NEO1: variants seen among roughly 807,000 people sequenced by gnomAD.
NEO1 encodes neogenin.
Under a neutral mutation model 159.7 loss-of-function variants are expected in NEO1, and 63 were observed. The ratio of observed to expected loss-of-function variants is 0.39; its 90% confidence interval spans 0.32 to 0.49. The LOEUF (loss-of-function observed/expected upper bound fraction) is 0.49, where lower values mean the gene tolerates loss of function less well. Among genes scored for constraint, NEO1 ranks in the 20% least tolerant of loss-of-function variants. The probability of loss-of-function intolerance (pLI) is 0.85; values close to 1 mark genes in which losing one functional copy is unlikely to be tolerated. For missense variants in NEO1, 1,615 were observed against 1,831.0 expected (o/e 0.88, Z 2.15); for synonymous variants, 633 against 662.0 (o/e 0.96, Z 0.67).
At chr15:73,103,586 G>A (rs1281278650) in intron 1 of NEO1, among the ~76,000 whole-genome samples, 1 of 152,098 alleles carries the variant, frequency 6.6e-6, no homozygotes, top group Non-Finnish European at 1.5e-5. Context: ...CTGTTCTGTG[G>A]TTGTGTTTGT....
chr15:73,053,449 G>T (rs770464547), intron 1 of NEO1, among the ~76,000 whole-genome samples: 7 of 152,186 alleles, frequency 4.6e-5, no homozygotes, highest in African/African-American at 1.4e-4. Flanking sequence ...TAGTGTTTCC[G>T]TTATGAAATG....
At chr15:73,134,761 C>G (rs2031557499) in intron 4 of NEO1, among the ~76,000 whole-genome samples, 1 of 151,954 alleles carries the variant, frequency 6.6e-6, no homozygotes, top group East Asian at 1.9e-4. Flanking sequence ...GTAATCCCAG[C>G]ACTTTGGGAG....
chr15:73,249,503 A>G (rs2039963709), intron 10 of NEO1, 80 bp from the exon 11 acceptor site: 1 of 1,397,652 alleles, frequency 7.2e-7, no homozygotes, highest in Non-Finnish European at 9.6e-7. Context: ...AGAATATAGA[A>G]TTTGTGTAGC....
chr15:73,185,438 C>T (rs1268143475), intron 7 of NEO1, among the ~76,000 whole-genome samples: 2 of 152,142 alleles, frequency 1.3e-5, no homozygotes, highest in African/African-American at 4.8e-5. Flanking sequence ...CTGCTCTACA[C>T]ACTTATTAGG....
At chr15:73,270,596 G>A in intron 18 of NEO1, 142 bp downstream of exon 18, 2 of 941,416 alleles carry the variant, frequency 2.1e-6, no homozygotes, top group South Asian at 3.5e-5. Context: ...GACAAGTTGT[G>A]TGTTTTTAAT....
chr15:73,151,639 C>T (rs1357532986), intron 5 of NEO1, among the ~76,000 whole-genome samples: 2 of 152,076 alleles, frequency 1.3e-5, no homozygotes, highest in Non-Finnish European at 2.9e-5. Flanking sequence ...GCCAAGCAAA[C>T]CCTTATAAAA....
chr15:73,109,535 T>G (rs2070860999), intron 1 of NEO1, among the ~76,000 whole-genome samples: 1 of 152,076 alleles, frequency 6.6e-6, no homozygotes, highest in Non-Finnish European at 1.5e-5. Flanking sequence ...AAAGCACTCT[T>G]ATAAATTTTT....
At chr15:73,088,576 A>G (rs2069495640) in intron 1 of NEO1, among the ~76,000 whole-genome samples, 1 of 152,154 alleles carries the variant, frequency 6.6e-6, no homozygotes, top group South Asian at 2.1e-4. Context: ...TTCAATTTAT[A>G]GAAAAGGGAT....
At chr15:73,137,387 A>G (rs2031880244) in intron 5 of NEO1, among the ~76,000 whole-genome samples, 1 of 152,214 alleles carries the variant, frequency 6.6e-6, no homozygotes. Context: ...TACTAAAAAT[A>G]AAGAATAAAG....
At chr15:73,287,600 G>A (rs981034579) in intron 23 of NEO1, among the ~76,000 whole-genome samples, 5 of 152,174 alleles carry the variant, frequency 3.3e-5, no homozygotes, top group South Asian at 4.1e-4. Flanking sequence ...AAGTTGTTCC[G>A]GCCAGGTACA....
At chr15:73,170,765 A>G (rs1054176554) in intron 5 of NEO1, among the ~76,000 whole-genome samples, 6 of 152,210 alleles carry the variant, frequency 3.9e-5, no homozygotes, top group Admixed American at 2.6e-4. Flanking sequence ...GAAGTACGGT[A>G]CTTTAGGATA....
At chr15:73,113,568 A>G (rs923265880) in intron 1 of NEO1, among the ~76,000 whole-genome samples, 1 of 152,154 alleles carries the variant, frequency 6.6e-6, no homozygotes, top group Non-Finnish European at 1.5e-5. Flanking sequence ...AGCTCAAGGT[A>G]GTTCACAGTT....
At chr15:73,278,834 T>C (rs1470955758) in intron 22 of NEO1, among the ~76,000 whole-genome samples, 1 of 152,214 alleles carries the variant, frequency 6.6e-6, no homozygotes, top group African/African-American at 2.4e-5. Context: ...ATTGTGGCAG[T>C]CCTAGGACCA....
rs1040885021 is a variant in NEO1 at position 73,238,975 on chromosome 15, A to G, written c.1451+2469A>G. On this transcript the variant is annotated intron_variant, in intron 8 of 28. Coordinates refer to ENST00000261908, the MANE Select transcript of NEO1 (RefSeq NM_002499.4). ...GCGATTCTCCTGCCTCAGCCTCCCAAGTAGCTGGAATTACAGGTGCCTGCC... is the reference window on the plus strand; with the variant it reads ...GCGATTCTCCTGCCTCAGCCTCCCAGGTAGCTGGAATTACAGGTGCCTGCC... Among the ~76,000 whole-genome samples, 28 of 151,988 alleles carry G rather than the reference A, an allele frequency of 1.8e-4. 1 individual carries two copies. Among genetic ancestry groups the G allele is most frequent in the Non-Finnish European group, 1.5e-5 (1 of 67,992 alleles).
Position 73,273,852 on chromosome 15 carries a change from C to T in NEO1, c.3007C>T (p.His1003Tyr). Residue 1003 changes from histidine to tyrosine, a missense_variant, in exon 20 of 29, where the codon CAT (histidine) becomes TAT (tyrosine). Coordinates refer to ENST00000261908, the MANE Select transcript of NEO1 (RefSeq NM_002499.4). ...YYSTDVNAEI[H>Y]DWVIEPVVGN... ...CAGTACAGATGTGAATGCAGAGATA[C>T]ATGACTGGGTTATTGAGCCTGTTGT... 2.5e-6 allele frequency: 4 copies of T among 1,614,068 alleles called. No individual in the cohort carries two copies. The highest frequency in any genetic ancestry group is 3.4e-6 in the Non-Finnish European group (4 of 1,179,942).
intron 5 of NEO1, among the ~76,000 whole-genome samples, chr15:73,147,542 A>G (rs939581659): frequency 6.6e-6 from 1 of 152,154 alleles, no homozygotes; most frequent in Admixed American, 6.5e-5. Flanking sequence ...CAACATGACA[A>G]AATACTAGTA....
chr15:73,071,440 T>C (rs545582321), intron 1 of NEO1, among the ~76,000 whole-genome samples: 51 of 152,340 alleles, frequency 3.3e-4, no homozygotes, highest in Non-Finnish European at 5.9e-4. Flanking sequence ...GAAACAGTGT[T>C]TGAGAATGAA....
intron 7 of NEO1, among the ~76,000 whole-genome samples, chr15:73,230,540 A>C (rs555429477): frequency 6.6e-6 from 1 of 151,910 alleles, no homozygotes; most frequent in African/African-American, 2.4e-5. Flanking sequence ...TTAAAGCACC[A>C]CTCTAGCTGC....
chr15:73,202,324 A>G (rs2036945529), intron 7 of NEO1, among the ~76,000 whole-genome samples: 1 of 152,122 alleles, frequency 6.6e-6, no homozygotes, highest in Non-Finnish European at 1.5e-5. Flanking sequence ...TATTTAAACT[A>G]TAATCACTAA....
Sources: gnomAD v4.1 joint callset for allele counts (sites outside exome capture counted in the v4.1 genomes callset) on GRCh38, gnomAD v4.1.1 for gene constraint, MANE v1.5 for transcripts, NCBI Gene and HGNC (gene_info 2026-07-23, HGNC 2026-07-21) for gene names.